The following DACH1 variants were observed in gnomAD, a reference collection of about 807,000 sequenced individuals.
DACH1 encodes dachshund homolog 1.
A neutral mutation model predicts 54.2 loss-of-function variants in DACH1; 12 were observed. The ratio of observed to expected loss-of-function variants is 0.22; its 90% CI spans 0.14 to 0.36. The LOEUF is 0.36. Ranked by LOEUF, DACH1 falls within the 10% of genes least tolerant of loss-of-function variation. The pLI, the probability that DACH1 is intolerant of heterozygous loss-of-function variation, is 1.00. For missense variants in DACH1, 805 were observed against 929.8 expected, an observed-to-expected ratio of 0.87 and a Z score of 1.75; for synonymous variants, 386 against 366.2, an observed-to-expected ratio of 1.05 and a Z score of -0.62.
At chr13:71,606,282 T>G (rs1874876884) in intron 3 of DACH1, among the ~76,000 whole-genome samples, 2 of 152,178 alleles carry the variant, frequency 1.3e-5, no homozygotes, top group South Asian at 2.1e-4. Flanking sequence ...TTTAACACCC[T>G]GTTTATTATG....
At chr13:71,839,638 A>T (rs1016613341) in intron 1 of DACH1, among the ~76,000 whole-genome samples, 2 of 152,066 alleles carry the variant, frequency 1.3e-5, no homozygotes, top group African/African-American at 2.4e-5. Context: ...AAATAAAATT[A>T]AAAAAGGAGT....
intron 6 of DACH1, among the ~76,000 whole-genome samples, chr13:71,496,267 A>ATATATATG (rs1879408060): frequency 5.6e-5 from 2 of 35,838 alleles, no homozygotes; most frequent in Non-Finnish European, 1.2e-4. Context: ...CTATGTATAT[A>ATATATATG]TATATATATA....
At chr13:71,470,223 G>A (rs1323993090) in intron 10 of DACH1, among the ~76,000 whole-genome samples, 1 of 152,010 alleles carries the variant, frequency 6.6e-6, no homozygotes, top group Non-Finnish European at 1.5e-5. Flanking sequence ...AGAAAATAAA[G>A]TTAAAAATGC....
chr13:71,791,118 CA>C (rs1886811794), intron 1 of DACH1, among the ~76,000 whole-genome samples: 1 of 152,188 alleles, frequency 6.6e-6, no homozygotes, highest in Middle Eastern at 3.4e-3. Context: ...TACAATGGGC[CA>C]AAATTATCAG....
chr13:71,715,947 T>C (rs898493276), intron 1 of DACH1, among the ~76,000 whole-genome samples: 2 of 152,062 alleles, frequency 1.3e-5, no homozygotes, highest in African/African-American at 4.8e-5. Flanking sequence ...GAAATCTATC[T>C]TTCTAGAGGT....
intron 1 of DACH1, among the ~76,000 whole-genome samples, chr13:71,756,995 G>C (rs185196748): frequency 3.3e-5 from 5 of 152,038 alleles, no homozygotes; most frequent in Non-Finnish European, 5.9e-5. Flanking sequence ...CATATACTGT[G>C]ACTGTTTGAT....
intron 6 of DACH1, among the ~76,000 whole-genome samples, chr13:71,500,792 T>C (rs1879849555): frequency 6.6e-6 from 1 of 152,026 alleles, no homozygotes; most frequent in Non-Finnish European, 1.5e-5. Flanking sequence ...CCTTTTTTTT[T>C]CTCTCACTCA....
At chr13:71,689,580 A>C (rs1881371760) in intron 1 of DACH1, among the ~76,000 whole-genome samples, 1 of 152,242 alleles carries the variant, frequency 6.6e-6, no homozygotes, top group Non-Finnish European at 1.5e-5. Flanking sequence ...CTCTGACCTC[A>C]AAAGTCACAC....
At chr13:71,530,454 T>A (rs773429563) in intron 6 of DACH1, among the ~76,000 whole-genome samples, 13 of 150,088 alleles carry the variant, frequency 8.7e-5, no homozygotes, top group Non-Finnish European at 1.5e-4. Context: ...GACACTAATT[T>A]AAAAAAAAAA....
At chr13:71,523,568 A>G (rs1209965037) in intron 6 of DACH1, among the ~76,000 whole-genome samples, 1 of 152,074 alleles carries the variant, frequency 6.6e-6, no homozygotes, top group Admixed American at 6.6e-5. Flanking sequence ...AAAAGAGAGG[A>G]AGGGCCTAGA....
chr13:71,604,389 T>C (rs530363594), intron 3 of DACH1, among the ~76,000 whole-genome samples: 1 of 151,992 alleles, frequency 6.6e-6, no homozygotes, highest in African/African-American at 2.4e-5. Flanking sequence ...CTTTCCACAG[T>C]GGAACTTCAC....
intron 1 of DACH1, among the ~76,000 whole-genome samples, chr13:71,690,989 T>A (rs1881449290): frequency 6.6e-6 from 1 of 152,236 alleles, no homozygotes; most frequent in Non-Finnish European, 1.5e-5. Context: ...ATAAAAATGT[T>A]TTCCTTTTGT....
intron 2 of DACH1, among the ~76,000 whole-genome samples, chr13:71,679,131 G>T (rs1880743598): frequency 6.6e-6 from 1 of 152,128 alleles, no homozygotes; most frequent in East Asian, 1.9e-4. Flanking sequence ...GTCTGAGAAG[G>T]CACAGTGATT....
intron 1 of DACH1, among the ~76,000 whole-genome samples, chr13:71,774,898 TC>T (rs1885997944): frequency 6.6e-6 from 1 of 152,080 alleles, no homozygotes; most frequent in South Asian, 2.1e-4. Context: ...AGATCATTGT[TC>T]CTAGGTCTTT....
intron 10 of DACH1, among the ~76,000 whole-genome samples, chr13:71,470,071 T>C (rs1876935254): frequency 6.6e-6 from 1 of 152,168 alleles, no homozygotes. Flanking sequence ...AAAAAACTTG[T>C]TTTTACTTAA....
chr13:71,599,334 A>G (rs1263987546), intron 3 of DACH1, among the ~76,000 whole-genome samples: 2 of 152,290 alleles, frequency 1.3e-5, no homozygotes, highest in East Asian at 3.9e-4. Context: ...CATTAAATGT[A>G]ATGTAATTCA....
chr13:71,652,961 C>T (rs914364622), intron 2 of DACH1, among the ~76,000 whole-genome samples: 2 of 152,172 alleles, frequency 1.3e-5, no homozygotes, highest in Non-Finnish European at 2.9e-5. Flanking sequence ...AAAGGGCCAA[C>T]AATTTATCCA....
At chr13:71,865,800 C>T in intron 1 of DACH1, 122 bp downstream of exon 1, 1 of 1,305,394 alleles carries the variant, frequency 7.7e-7, no homozygotes, top group African/African-American at 1.6e-5. Flanking sequence ...GAGAGGGCCG[C>T]GCTCGCCGGG....
intron 1 of DACH1, among the ~76,000 whole-genome samples, chr13:71,815,875 G>A (rs2058727): frequency 0.46 from 69,642 of 151,768 alleles, 17,907 homozygotes; most frequent in Non-Finnish European, 0.6. Context: ...CACGAGGTCA[G>A]GAGATCGAGA....
Sources: gnomAD v4.1 joint callset for allele counts (sites outside exome capture counted in the v4.1 genomes callset) on GRCh38, gnomAD v4.1.1 for gene constraint, MANE v1.5 for transcripts, NCBI Gene and HGNC (gene_info 2026-07-23, HGNC 2026-07-21) for gene names.